The following ESYT3 variants were observed in gnomAD, a reference collection of about 807,000 sequenced individuals.
ESYT3 encodes extended synaptotagmin 3, also known as extended synaptotagmin-3.
In ESYT3, 101 loss-of-function variants were observed where a neutral mutation model predicts 111.5. The ratio of observed to expected loss-of-function variants is 0.91; its 90% CI spans 0.77 to 1.07. The LOEUF is 1.07. Among genes scored for constraint, ESYT3 ranks in the 50% least tolerant of loss-of-function variants. The probability of loss-of-function intolerance (pLI) is 0.00; values close to 1 mark genes in which losing one functional copy is unlikely to be tolerated. For synonymous variants in ESYT3, 416 were observed against 446.8 expected (o/e 0.93, Z 0.87); for missense variants, 1,097 against 1,109.4 (o/e 0.99, Z 0.16).
chr3:138,475,187 C>G (rs1213402924), intron 20 of ESYT3, among the ~76,000 whole-genome samples: 1 of 152,144 alleles, frequency 6.6e-6, no homozygotes, highest in Non-Finnish European at 1.5e-5. Flanking sequence ...GCATCCTATA[C>G]TCTAGAGCCA....
In ESYT3 at chr3:138,440,395, G is replaced by A. The variant is rs960612113; in HGVS notation, c.327+5270G>A. 2.6e-5 allele frequency among the ~76,000 whole-genome samples: 4 copies of A among 152,214 alleles called. No individual in the cohort carries two copies. Among genetic ancestry groups the A allele is most frequent in the African/African-American group, 9.6e-5 (4 of 41,460 alleles). On this transcript the variant is annotated intron_variant, in intron 1 of 22. Coordinates refer to ENST00000389567, the MANE Select transcript of ESYT3 (RefSeq NM_031913.5). The surrounding 1 kb of genome is among the most constrained non-coding windows in gnomAD (Gnocchi z 4.2). ...TCTTTCTGTGGTTGGAGCAGCAGTCGTTCCAGGACCCAGGCTCTCAGGGTC... is the reference window on the plus strand; with the variant it reads ...TCTTTCTGTGGTTGGAGCAGCAGTCATTCCAGGACCCAGGCTCTCAGGGTC...
At chr3:138,456,246 G>A (rs2032270679) in intron 3 of ESYT3, among the ~76,000 whole-genome samples, 1 of 152,252 alleles carries the variant, frequency 6.6e-6, no homozygotes, top group South Asian at 2.1e-4. Flanking sequence ...TGTGTGCTGG[G>A]CATCATAGAG....
rs749420154 is a variant in ESYT3, at chr3:138,470,979, G to A, written c.1693G>A (p.Asp565Asn). The A allele has an allele frequency of 6.2e-7, 1 of 1,614,132 alleles. No individual in the cohort carries two copies. The highest frequency in any genetic ancestry group is 8.5e-7 in the Non-Finnish European group (1 of 1,180,036). Residue 565 changes from aspartate to asparagine, a missense_variant, in exon 17 of 23, where the codon GAC becomes AAC. Physicochemically the swap from Asp to Asn is conservative, Grantham distance 23. Coordinates refer to ENST00000389567, the MANE Select transcript of ESYT3 (RefSeq NM_031913.5). The part of the protein sequence containing the change: ...DLTLEQRFQL[D>N]HSGLDSLISM... ...CACTCTTGAGCAGCGCTTTCAGCTG[G>A]ACCACTCAGGCCTGGACAGCCTCAT...
At chr3:138,476,715 GC>G (rs959895539) in intron 22 of ESYT3, 102 bp from the exon 23 acceptor site, 34 of 1,236,082 alleles carry the variant, frequency 2.8e-5, no homozygotes, top group Non-Finnish European at 2.4e-6. Context: ...GACAGGTTCT[GC>G]TGGTCTTACA....
In ESYT3 at chr3:138,470,898, T is replaced by C. The variant is rs1227592028; in HGVS notation, c.1612T>C (p.Cys538Arg). 6.2e-7 allele frequency: 1 copy of C among 1,614,028 alleles called. No homozygotes were observed. Residue 538 changes from cysteine to arginine, a missense_variant, in exon 17 of 23, where the codon TGT becomes CGT. By Grantham distance (180) the Cys-to-Arg change is radical. Coordinates refer to ENST00000389567, the MANE Select transcript of ESYT3 (RefSeq NM_031913.5). ...HLKVLDDDQE[C>R]ALGMLEVPLC... is the part of the protein sequence containing the mutation. The stretch of plus-strand genomic sequence containing the variant: ...CCAGGTGCTTGATGATGACCAGGAG[T>C]GTGCTCTGGGAATGCTGGAGGTCCC...
intron 1 of ESYT3, among the ~76,000 whole-genome samples, chr3:138,438,906 C>T (rs2030930517): frequency 6.6e-6 from 1 of 152,216 alleles, no homozygotes; most frequent in Non-Finnish European, 1.5e-5. Context: ...AGGGTGGCCC[C>T]CGCAGCTCAC....
chr3:138,468,400 G>A (rs1374773719), intron 12 of ESYT3, among the ~76,000 whole-genome samples: 1 of 152,088 alleles, frequency 6.6e-6, no homozygotes, highest in Non-Finnish European at 1.5e-5. Flanking sequence ...TTTAGATGAT[G>A]GGGTCCTTAG....
Position 138,440,365 on chromosome 3 carries a change from G to A in ESYT3, c.327+5240G>A, listed in dbSNP as rs1243975990. Among the ~76,000 whole-genome samples, 2 of 152,250 alleles carry A rather than the reference G, an allele frequency of 1.3e-5. No homozygotes were observed. Among genetic ancestry groups the A allele is most frequent in the East Asian group, 3.9e-4 (2 of 5,194 alleles). ...TTTGCTTACCTAGTGCTGAGAGCTT[G>A]ACATTCTTTCTGTGGTTGGAGCAGC... On this transcript the variant is annotated intron_variant, in intron 1 of 22. Transcript: ENST00000389567. The surrounding 1 kb of genome is among the most constrained non-coding windows in gnomAD (Gnocchi z 4.2).
chr3:138,469,012 T>C (rs1246370292), intron 14 of ESYT3, 131 bp downstream of exon 14: 3 of 972,832 alleles, frequency 3.1e-6, no homozygotes, highest in East Asian at 4.8e-5. Context: ...GAGGTGCTGA[T>C]TGTGGAGTCT....
chr3:138,469,511 C>T lies in ESYT3; in HGVS notation c.1503+7C>T. On this transcript the variant is annotated splice_region_variant and intron_variant, in intron 15 of 22. Transcript: ENST00000389567. ...GAAGACACATACAAGTAAGGTAAGA[C>T]AGCTTGGTGTGTAGCCCTGGGGTAA... is the stretch of plus-strand genomic sequence containing the variant. The T allele has an allele frequency of 6.2e-7, 1 of 1,612,956 alleles. No individual in the cohort carries two copies. Among genetic ancestry groups the T allele is most frequent in the Non-Finnish European group, 8.5e-7 (1 of 1,179,016 alleles).
At chr3:138,473,507 G>A (rs770056140) in intron 18 of ESYT3, 29 bp from the exon 19 acceptor site, 21 of 1,600,062 alleles carry the variant, frequency 1.3e-5, no homozygotes, top group Non-Finnish European at 1.4e-5. Context: ...TTGTTATGGC[G>A]AGAGAAGTGA....
At chr3:138,444,360 G>T (rs2031383772) in intron 1 of ESYT3, among the ~76,000 whole-genome samples, 1 of 152,184 alleles carries the variant, frequency 6.6e-6, no homozygotes, top group Non-Finnish European at 1.5e-5. Context: ...CTGGTGACTT[G>T]ACCATGTGTC....
chr3:138,468,208 G>A lies in ESYT3; in HGVS notation c.1308+14G>A. Reference sequence around the variant, plus strand: ...GTTCTGACTGAGGTGAGTGTGGGGTGTCAAGGGCTCCCTTGCAGAAAGGTG... The same window carrying A: ...GTTCTGACTGAGGTGAGTGTGGGGTATCAAGGGCTCCCTTGCAGAAAGGTG... On this transcript the variant is annotated intron_variant, in intron 12 of 22. Transcript: ENST00000389567. 2 of 1,613,372 alleles carry A rather than the reference G, an allele frequency of 1.2e-6. No homozygotes were observed. The highest frequency in any genetic ancestry group is 1.7e-6 in the Non-Finnish European group (2 of 1,179,306).
Position 138,476,421 on chromosome 3 carries a change from CTAAT to C in ESYT3, c.2575-19_2575-16del, listed in dbSNP as rs767280934. Reference sequence around the variant, plus strand: ...CTTAATGCAGTGTTTTGGAGGGGAACTAATTATTTGTGATTATTTAGGTACTGAT... The same window carrying C: ...CTTAATGCAGTGTTTTGGAGGGGAACTATTTGTGATTATTTAGGTACTGAT... On this transcript the variant is annotated intron_variant, in intron 21 of 22. Transcript: ENST00000389567. The C allele has an allele frequency of 1.9e-6, 3 of 1,612,636 alleles. No individual in the cohort carries two copies. Among genetic ancestry groups the C allele is most frequent in the African/African-American group, 2.7e-5 (2 of 74,878 alleles).
At chr3:138,441,967 T>G (rs1469348863) in intron 1 of ESYT3, among the ~76,000 whole-genome samples, 1 of 152,128 alleles carries the variant, frequency 6.6e-6, no homozygotes, top group African/African-American at 2.4e-5. Flanking sequence ...GCCAGTGTCA[T>G]GAGTCATGAG....
intron 8 of ESYT3, among the ~76,000 whole-genome samples, chr3:138,462,783 T>C (rs1335129471): frequency 2.0e-5 from 3 of 152,052 alleles, no homozygotes; most frequent in Non-Finnish European, 4.4e-5. Flanking sequence ...CTACCTCAGC[T>C]TTCCGAGTAG....
chr3:138,473,444 C>A, intron 18 of ESYT3, 92 bp from the exon 19 acceptor site: 6 of 1,131,878 alleles, frequency 5.3e-6, no homozygotes, highest in Non-Finnish European at 7.9e-6. Flanking sequence ...GCTCTATACT[C>A]CTCAAGCAGG....
intron 10 of ESYT3, 143 bp downstream of exon 10, chr3:138,465,564 C>T: frequency 1.6e-6 from 1 of 643,082 alleles, no homozygotes; most frequent in Non-Finnish European, 2.7e-6. Context: ...GGCAACCTGC[C>T]TCACCATTCT....
rs746551985 is a variant in ESYT3, at chr3:138,460,035, G to A, written c.738+1G>A. 2.5e-6 allele frequency: 4 copies of A among 1,614,004 alleles called. No individual in the cohort carries two copies. In the South Asian group the frequency reaches 4.4e-5, roughly 18 times the overall value. ...GACTGTGTTCTTCCTTCAGAAGCCG[G>A]TGAGTCCCAAGGACTGCGGTAAGCC... On this transcript the variant is annotated splice_donor_variant, in intron 6 of 22. Coordinates refer to ENST00000389567, the MANE Select transcript of ESYT3 (RefSeq NM_031913.5). LOFTEE classifies it high-confidence loss of function.
Sources: gnomAD v4.1 joint callset for allele counts (sites outside exome capture counted in the v4.1 genomes callset) on GRCh38, gnomAD v4.1.1 for gene constraint, Gnocchi (gnomAD v3.1) non-coding constraint, MANE v1.5 for transcripts, NCBI Gene and HGNC (gene_info 2026-07-23, HGNC 2026-07-21) for gene names.